The following AUTS2 variants were observed in gnomAD, a reference collection of about 807,000 sequenced individuals.
AUTS2 encodes activator of transcription and developmental regulator AUTS2, also known as autism susceptibility gene 2 protein.
AUTS2 carries 17 observed loss-of-function variants against 112.4 expected under a neutral mutation model. The ratio of observed to expected loss-of-function variants is 0.15; its 90% CI spans 0.10 to 0.23. The LOEUF (loss-of-function observed/expected upper bound fraction) is 0.23, where lower values mean the gene tolerates loss of function less well. Among genes scored for constraint, AUTS2 ranks in the 10% least tolerant of loss-of-function variants. The pLI is 1.00. For missense variants in AUTS2, 1,510 were observed against 1,701.6 expected (o/e 0.89, Z 1.98); for synonymous variants, 751 against 702.7 (o/e 1.07, Z -1.09).
intron 1 of AUTS2, among the ~76,000 whole-genome samples, chr7:69,603,905 TGTGTTGTGTC>T: frequency 6.6e-6 from 1 of 152,170 alleles, no homozygotes; most frequent in Non-Finnish European, 1.5e-5. Flanking sequence ...GTTTTTTTTC[TGTGTTGTGTC>T]TATTAGGAAG....
At chr7:69,747,966 G>GT (rs1226887395) in intron 1 of AUTS2, among the ~76,000 whole-genome samples, 8 of 151,860 alleles carry the variant, frequency 5.3e-5, no homozygotes, top group African/African-American at 9.7e-5. Flanking sequence ...GCTTAGCATT[G>GT]TATTTTTTTT....
chr7:70,206,765 T>C (rs1268702592), intron 4 of AUTS2, among the ~76,000 whole-genome samples: 1 of 152,204 alleles, frequency 6.6e-6, no homozygotes, highest in Non-Finnish European at 1.5e-5. Flanking sequence ...ATCAGATTTA[T>C]GTACTGCTAA....
intron 1 of AUTS2, among the ~76,000 whole-genome samples, chr7:69,651,303 C>CT (rs1383081106): frequency 6.6e-6 from 1 of 152,078 alleles, no homozygotes; most frequent in Non-Finnish European, 1.5e-5. Context: ...TCATTGAACT[C>CT]TGAGTTTCTG....
chr7:70,535,695 G>A (rs1013370821), intron 5 of AUTS2, among the ~76,000 whole-genome samples: 1 of 152,166 alleles, frequency 6.6e-6, no homozygotes, highest in Non-Finnish European at 1.5e-5. Context: ...GATTACAGGC[G>A]TGAGCCACTG....
chr7:69,714,289 G>GTGTGTGTGTGTT (rs1364673983), intron 1 of AUTS2, among the ~76,000 whole-genome samples: 2 of 149,724 alleles, frequency 1.3e-5, no homozygotes, highest in African/African-American at 4.9e-5. Context: ...GTGTGTGTGT[G>GTGTGTGTGTGTT]TAGAGACCAA....
chr7:69,659,583 G>GTTTTTTTTTTTTT (rs58289887), intron 1 of AUTS2, among the ~76,000 whole-genome samples: 2 of 81,268 alleles, frequency 2.5e-5, no homozygotes, highest in East Asian at 4.3e-4. Context: ...AGGCTTAGTT[G>GTTTTTTTTTTTTT]TTTTTTTTTT....
At chr7:70,183,522 G>T (rs928956721) in intron 4 of AUTS2, among the ~76,000 whole-genome samples, 4 of 152,174 alleles carry the variant, frequency 2.6e-5, no homozygotes, top group Admixed American at 2.6e-4. Flanking sequence ...AGCCCTGGAC[G>T]GCAGTAACTT....
At chr7:70,597,666 G>A (rs945255672) in intron 5 of AUTS2, among the ~76,000 whole-genome samples, 30 of 152,322 alleles carry the variant, frequency 2.0e-4, no homozygotes, top group Middle Eastern at 6.8e-3. Flanking sequence ...AAATTGGAGA[G>A]AAATCCCTGC....
At chr7:69,946,965 A>G (rs1796839051) in intron 2 of AUTS2, among the ~76,000 whole-genome samples, 1 of 152,172 alleles carries the variant, frequency 6.6e-6, no homozygotes. Flanking sequence ...CTCTCATGTT[A>G]GTCCTCAACT....
chr7:70,492,038 C>G (rs530824223), intron 5 of AUTS2, among the ~76,000 whole-genome samples: 5 of 152,162 alleles, frequency 3.3e-5, no homozygotes, highest in Admixed American at 3.3e-4. Context: ...CTGTGTTCCT[C>G]AGGCTGACCA....
chr7:69,674,481 A>G lies in AUTS2; in HGVS notation c.309+74519A>G, dbSNP rs564621836. Among the ~76,000 whole-genome samples, 141 of 152,280 alleles carry G rather than the reference A, an allele frequency of 9.3e-4. 1 individual carries two copies. The highest frequency in any genetic ancestry group is 3.3e-3 in the African/African-American group (137 of 41,540). On this transcript the variant is annotated intron_variant, in intron 1 of 18. Coordinates refer to ENST00000342771, the MANE Select transcript of AUTS2 (RefSeq NM_015570.4). ...ATTGGAGTCTCCACCATGTCAATGT[A>G]TCAACACTTCTAAATTATTTAGAGC...
intron 12 of AUTS2, chr7:70,774,690 G>A (rs1461734176): frequency 2.0e-5 from 3 of 152,368 alleles, no homozygotes; most frequent in South Asian, 2.1e-4. Context: ...GAAGTTATAC[G>A]ATAGATACAA....
At chr7:70,526,829 C>G (rs906316028) in intron 5 of AUTS2, among the ~76,000 whole-genome samples, 2 of 152,154 alleles carry the variant, frequency 1.3e-5, no homozygotes, top group African/African-American at 2.4e-5. Context: ...TCCTCTCTCC[C>G]GACACCCTCA....
chr7:70,778,240 T>A (rs1790834289), intron 14 of AUTS2, among the ~76,000 whole-genome samples: 1 of 152,184 alleles, frequency 6.6e-6, no homozygotes, highest in Non-Finnish European at 1.5e-5. Context: ...TTTTACAGTC[T>A]GGGTATTTAT....
intron 4 of AUTS2, among the ~76,000 whole-genome samples, chr7:70,285,130 G>T (rs561433160): frequency 2.0e-5 from 3 of 151,906 alleles, no homozygotes; most frequent in Non-Finnish European, 4.4e-5. Flanking sequence ...CAAATGGGGT[G>T]ATTTCTCTAT....
chr7:70,023,393 G>C (rs1212229222), intron 2 of AUTS2, among the ~76,000 whole-genome samples: 2 of 152,168 alleles, frequency 1.3e-5, no homozygotes, highest in Non-Finnish European at 2.9e-5. Context: ...AGACTGGAAT[G>C]GGTCTGTGCT....
intron 5 of AUTS2, among the ~76,000 whole-genome samples, chr7:70,659,319 G>T (rs926066890): frequency 1.3e-5 from 2 of 152,220 alleles, no homozygotes; most frequent in Non-Finnish European, 2.9e-5. Context: ...CCTGGGCCCT[G>T]CTAAATGACA....
chr7:70,044,809 G>A (rs958032550), intron 2 of AUTS2, among the ~76,000 whole-genome samples: 1 of 152,130 alleles, frequency 6.6e-6, no homozygotes, highest in Non-Finnish European at 1.5e-5. Flanking sequence ...AAATGTCAGG[G>A]TAAGATGACC....
chr7:69,735,431 A>G (rs1219393305), intron 1 of AUTS2, among the ~76,000 whole-genome samples: 1 of 152,170 alleles, frequency 6.6e-6, no homozygotes, highest in Non-Finnish European at 1.5e-5. Context: ...CTGAACATAA[A>G]GAGAACAGGT....
Sources: gnomAD v4.1 joint callset for allele counts (sites outside exome capture counted in the v4.1 genomes callset) on GRCh38, gnomAD v4.1.1 for gene constraint, MANE v1.5 for transcripts, NCBI Gene and HGNC (gene_info 2026-07-23, HGNC 2026-07-21) for gene names.